UBE4B: variants seen among roughly 807,000 people sequenced by gnomAD.
The protein encoded by UBE4B is ubiquitin conjugation factor E4 B.
A neutral mutation model predicts 148.1 loss-of-function variants in UBE4B; 27 were observed. The ratio of observed to expected loss-of-function variants is 0.18; its 90% CI spans 0.13 to 0.25. UBE4B has a LOEUF of 0.25. Among genes scored for constraint, UBE4B ranks in the 10% least tolerant of loss-of-function variants. The pLI, the probability that UBE4B is intolerant of heterozygous loss-of-function variation, is 1.00. For synonymous variants in UBE4B, 596 were observed against 619.3 expected, an observed-to-expected ratio of 0.96 and a Z score of 0.56; for missense variants, 1,170 against 1,662.4, an observed-to-expected ratio of 0.70 and a Z score of 5.15.
At chr1:10,076,885 T>C (rs1201312065) in intron 2 of UBE4B, among the ~76,000 whole-genome samples, 8 of 151,746 alleles carry the variant, frequency 5.3e-5, no homozygotes, top group Non-Finnish European at 1.2e-4. Context: ...TAGCTGGGAT[T>C]ACAGGCGCCT....
At chr1:10,103,549 C>T (rs1013435715) in intron 5 of UBE4B, among the ~76,000 whole-genome samples, 7 of 151,154 alleles carry the variant, frequency 4.6e-5, no homozygotes, top group South Asian at 2.1e-4. Context: ...TCTTCTGCCT[C>T]GGCCACTGGA....
intron 2 of UBE4B, among the ~76,000 whole-genome samples, chr1:10,078,405 T>C (rs1644620289): frequency 6.6e-6 from 1 of 152,218 alleles, no homozygotes; most frequent in Admixed American, 6.5e-5. Context: ...CTCAGTTTCT[T>C]TCCTTAAAGA....
At chr1:10,167,781 C>G (rs1425836617) in intron 23 of UBE4B, among the ~76,000 whole-genome samples, 4 of 151,924 alleles carry the variant, frequency 2.6e-5, no homozygotes, top group Non-Finnish European at 4.4e-5. Flanking sequence ...TTAGTAGCGA[C>G]GGGGTTTCAC....
Position 10,033,494 on chromosome 1 carries a change from G to A in UBE4B, c.-177G>A. ...GGGCGACTGGAGTGACCGAAGCCAA[G>A]GCAGTTTAGTGCCTCTCGTGTTCTT... On this transcript the variant is annotated 5_prime_UTR_variant, in exon 1 of 28. Transcript: ENST00000343090. The A allele has an allele frequency of 1.7e-6, 1 of 606,016 alleles. No homozygotes were observed. Among genetic ancestry groups the A allele is most frequent in the Non-Finnish European group, 2.5e-6 (1 of 395,204 alleles). 37.5% of individuals were successfully genotyped at this position (606,016 alleles called of 1,614,324 possible). A position where few individuals can be genotyped will look rare whatever the true frequency, so the allele number is the denominator to read the frequency against.
intron 14 of UBE4B, 146 bp downstream of exon 14, chr1:10,130,959 T>C (rs1363647027): frequency 2.9e-6 from 2 of 678,630 alleles, no homozygotes; most frequent in African/African-American, 3.6e-5. Context: ...AAACTATAAG[T>C]AAGTAGCCTG....
At chr1:10,071,323 C>G (rs1644480025) in intron 1 of UBE4B, among the ~76,000 whole-genome samples, 1 of 152,140 alleles carries the variant, frequency 6.6e-6, no homozygotes, top group Non-Finnish European at 1.5e-5. Context: ...GCTTCATGCC[C>G]ATAATCCTAG....
In UBE4B at chr1:10,036,931, G is replaced by A. The variant is rs190819609; in HGVS notation, c.24+3237G>A. On this transcript the variant is annotated intron_variant, in intron 1 of 27. Coordinates refer to ENST00000343090, the MANE Select transcript of UBE4B (RefSeq NM_001105562.3). ...ATGAAAATGTATGATTATACAGTCC[G>A]TGAAAAAGGCTGGTATAACCAGACT... Among the ~76,000 whole-genome samples, 218 of 152,242 alleles carry A rather than the reference G, an allele frequency of 1.4e-3. 5 individuals carry two copies. In the East Asian group the frequency reaches 0.035, roughly 24 times the overall value.
intron 1 of UBE4B, chr1:10,059,346 C>T (rs1444578503): frequency 5.7e-6 from 1 of 176,312 alleles, no homozygotes; most frequent in Non-Finnish European, 1.3e-5. Flanking sequence ...GGCACCTGCT[C>T]TTCTGTAAGA....
rs576594969 is a variant in UBE4B at position 10,092,578 on chromosome 1, A to T, written c.212-2883A>T. On this transcript the variant is annotated intron_variant, in intron 2 of 27. Coordinates refer to ENST00000343090, the MANE Select transcript of UBE4B (RefSeq NM_001105562.3). ...CACCGTGGCTTATGCCTGTAATCCT[A>T]ACACTTTGGGAGACTGAGGCAGGTG... Among the ~76,000 whole-genome samples, 8 of 152,130 alleles carry T rather than the reference A, an allele frequency of 5.3e-5. No homozygotes were observed. The East Asian group carries it at 1.2e-3, about 22-fold the overall frequency.
chr1:10,105,598 A>G lies in UBE4B; in HGVS notation c.663A>G (p.Pro221=). The change falls in exon 6 of 28, where the codon CCA becomes CCG. Residue 221 remains proline (P), a synonymous_variant. Transcript: ENST00000343090. ...MMSTQTRDEN[P]FASLTATSQP... The stretch of plus-strand genomic sequence containing the variant: ...CCACTCAGACCAGAGATGAAAACCC[A>G]TTTGCCAGTCTGACAGCCACATCAC... The G allele has an allele frequency of 6.2e-7, 1 of 1,614,184 alleles. No homozygotes were observed. The highest frequency in any genetic ancestry group is 1.7e-5 in the Admixed American group (1 of 60,016).
At chr1:10,079,146 G>A (rs200955920) in intron 2 of UBE4B, among the ~76,000 whole-genome samples, 1 of 151,938 alleles carries the variant, frequency 6.6e-6, no homozygotes, top group East Asian at 1.9e-4. Context: ...TGGCAAACTG[G>A]GGAAGCCTTT....
At chr1:10,138,496 A>G (rs540095039) in intron 17 of UBE4B, among the ~76,000 whole-genome samples, 1 of 152,282 alleles carries the variant, frequency 6.6e-6, no homozygotes, top group South Asian at 2.1e-4. Flanking sequence ...CGCCTCCCAA[A>G]GTGCTGAGAT....
intron 17 of UBE4B, among the ~76,000 whole-genome samples, chr1:10,144,081 AG>A (rs1645827555): frequency 1.3e-5 from 2 of 152,164 alleles, no homozygotes; most frequent in African/African-American, 4.8e-5. Context: ...TAGTGTTAAG[AG>A]AGTCGGTCTT....
At position 10,130,772 on chromosome 1, in the gene UBE4B, G is replaced by T; in HGVS notation, c.1870G>T (p.Val624Leu). ...GPAITLENTR[V>L]VSQSLQHYLE... ...TGCCATTACCCTGGAAAACACTCGT[G>T]TGGTTAGCCAATCATTGCAGCATTA... Residue 624 changes from valine (V) to leucine (L), a missense_variant, in exon 14 of 28, where the codon GTG becomes TTG. Physicochemically the swap from Val to Leu is conservative, Grantham distance 32. Around this residue, in one of 6 missense-constraint regions of UBE4B, gnomAD observed 388 missense variants for 536.0 expected, o/e 0.72. Coordinates refer to ENST00000343090, the MANE Select transcript of UBE4B (RefSeq NM_001105562.3). 1.2e-6 allele frequency: 2 copies of T among 1,614,140 alleles called. No homozygotes were observed. The highest frequency in any genetic ancestry group is 1.1e-5 in the South Asian group (1 of 91,084).
intron 2 of UBE4B, among the ~76,000 whole-genome samples, chr1:10,076,991 C>T (rs1013036733): frequency 6.6e-6 from 1 of 151,888 alleles, no homozygotes; most frequent in Non-Finnish European, 1.5e-5. Context: ...ATGATCCTCC[C>T]GCCTCAGCCT....
intron 1 of UBE4B, among the ~76,000 whole-genome samples, chr1:10,039,297 G>C (rs1283134465): frequency 6.6e-6 from 1 of 152,118 alleles, no homozygotes; most frequent in Admixed American, 6.6e-5. Flanking sequence ...GTTGCCCTGG[G>C]AACTGGCTCG....
At chr1:10,170,444 G>T (rs892646682) in intron 24 of UBE4B, among the ~76,000 whole-genome samples, 9 of 152,210 alleles carry the variant, frequency 5.9e-5, no homozygotes, top group Non-Finnish European at 1.2e-4. Context: ...TTTATGGCCA[G>T]TGTTTAATGC....
chr1:10,108,829 T>C (rs1645165701), intron 7 of UBE4B, among the ~76,000 whole-genome samples: 1 of 152,214 alleles, frequency 6.6e-6, no homozygotes, highest in Non-Finnish European at 1.5e-5. Flanking sequence ...TCCTATTGCA[T>C]GATTATAGTA....
At chr1:10,042,220 G>A (rs1338174953) in intron 1 of UBE4B, among the ~76,000 whole-genome samples, 3 of 152,050 alleles carry the variant, frequency 2.0e-5, no homozygotes, top group Non-Finnish European at 2.9e-5. Flanking sequence ...TTTCTCACAC[G>A]GCACTTGTAG....
Sources: allele counts gnomAD v4.1 joint callset (sites outside exome capture counted in the v4.1 genomes callset), GRCh38; gene constraint gnomAD v4.1.1; regional missense constraint gnomAD v4.1.1; transcripts MANE v1.5; gene names NCBI Gene and HGNC (gene_info 2026-07-23, HGNC 2026-07-21).